BASP1: variants seen among roughly 807,000 people sequenced by gnomAD.
BASP1 encodes the protein brain acid soluble protein 1.
Under a neutral mutation model 2.2 loss-of-function variants are expected in BASP1, and 1 was observed. The observed-to-expected ratio is 0.46, with a 90% CI of 0.16 to 2.17. The LOEUF (loss-of-function observed/expected upper bound fraction) is 2.17. Among genes scored for constraint, BASP1 ranks in the 30% most tolerant of loss-of-function variants. BASP1 has a pLI of 0.27. For synonymous variants in BASP1, 187 were observed against 154.2 expected (o/e 1.21, Z -1.58); for missense variants, 352 against 327.2 (o/e 1.08, Z -0.58).
rs569426820 is a variant in BASP1 at position 17,250,899 on chromosome 5, C to T, written c.-9-24309C>T. Reference sequence around the variant, plus strand: ...GATTACAGGCGTGAGCCACAGCGCCCGGCCAAAATATTTTAACCTGAATTT... The same window carrying T: ...GATTACAGGCGTGAGCCACAGCGCCTGGCCAAAATATTTTAACCTGAATTT... On this transcript the variant is annotated intron_variant, in intron 1 of 1. Coordinates refer to ENST00000322611, the MANE Select transcript of BASP1 (RefSeq NM_006317.5). Among the ~76,000 whole-genome samples the T allele has an allele frequency of 9.1e-4, 139 of 152,284 alleles. No individual in the cohort carries two copies. The South Asian group carries it at 0.011, about 12-fold the overall frequency.
chr5:17,232,314 A>G (rs1404913174), intron 1 of BASP1, among the ~76,000 whole-genome samples: 1 of 152,358 alleles, frequency 6.6e-6, no homozygotes, highest in Admixed American at 6.5e-5. Flanking sequence ...TGGATCAATC[A>G]TTATTGAACA....
chr5:17,263,068 C>T (rs545126336), intron 1 of BASP1, among the ~76,000 whole-genome samples: 36 of 152,166 alleles, frequency 2.4e-4, no homozygotes, highest in Admixed American at 5.9e-4. Context: ...AGGATGGTCT[C>T]GATCTCCTGA....
At chr5:17,252,316 G>A (rs1379591333) in intron 1 of BASP1, among the ~76,000 whole-genome samples, 2 of 152,160 alleles carry the variant, frequency 1.3e-5, no homozygotes, top group East Asian at 3.9e-4. Context: ...GGCGCCACAA[G>A]ACCATGTAAT....
In BASP1 at chr5:17,260,737, A is replaced by C. The variant is rs889091650; in HGVS notation, c.-9-14471A>C. ...TTTATCTAGTACCCATTGTGCACGA[A>C]CAACCACAAAGCAAAATCTTTGTTC... On this transcript the variant is annotated intron_variant, in intron 1 of 1. Transcript: ENST00000322611. The surrounding 1 kb of genome is among the most constrained non-coding windows in gnomAD (Gnocchi z 4.2). Among the ~76,000 whole-genome samples, 4 of 152,234 alleles carry C rather than the reference A, an allele frequency of 2.6e-5. No homozygotes were observed. The highest frequency in any genetic ancestry group is 9.6e-5 in the African/African-American group (4 of 41,462).
chr5:17,271,246 C>G (rs1267650179), intron 1 of BASP1, among the ~76,000 whole-genome samples: 3 of 152,270 alleles, frequency 2.0e-5, no homozygotes, highest in African/African-American at 7.2e-5. Flanking sequence ...TCAAGCCTCC[C>G]CAGTAGCTGG....
chr5:17,224,557 T>A (rs956169722), intron 1 of BASP1, among the ~76,000 whole-genome samples: 6 of 152,210 alleles, frequency 3.9e-5, no homozygotes, highest in African/African-American at 1.2e-4. Flanking sequence ...ACTTCTTCAA[T>A]GAAAAATTAT....
chr5:17,223,992 G>C (rs1739439960), intron 1 of BASP1, among the ~76,000 whole-genome samples: 1 of 152,174 alleles, frequency 6.6e-6, no homozygotes, highest in African/African-American at 2.4e-5. Flanking sequence ...AAGATGTTGT[G>C]ATCTATTGAC....
chr5:17,252,705 C>T (rs2126508673), intron 1 of BASP1, among the ~76,000 whole-genome samples: 1 of 152,298 alleles, frequency 6.6e-6, no homozygotes, highest in East Asian at 1.9e-4. Context: ...AAAAAGTTCC[C>T]ATGTGACATT....
At chr5:17,262,205 A>G (rs1740327742) in intron 1 of BASP1, among the ~76,000 whole-genome samples, 1 of 152,190 alleles carries the variant, frequency 6.6e-6, no homozygotes, top group Admixed American at 6.5e-5. Context: ...AGTATCTGAG[A>G]GTCCTCTCCT....
chr5:17,239,326 C>T (rs987031755), intron 1 of BASP1, among the ~76,000 whole-genome samples: 1 of 152,126 alleles, frequency 6.6e-6, no homozygotes, highest in Non-Finnish European at 1.5e-5. Flanking sequence ...ATCTCCTGAC[C>T]TTGTGATCCG....
chr5:17,267,942 A>G (rs1038723417), intron 1 of BASP1, among the ~76,000 whole-genome samples: 16 of 150,464 alleles, frequency 1.1e-4, no homozygotes, highest in Non-Finnish European at 1.6e-4. Context: ...TTGTCAATTT[A>G]ATCTTCAGGG....
At chr5:17,238,312 T>A (rs74441553) in intron 1 of BASP1, among the ~76,000 whole-genome samples, 5 of 152,098 alleles carry the variant, frequency 3.3e-5, no homozygotes, top group East Asian at 1.9e-4. Flanking sequence ...GTTTTTTTTT[T>A]ATCGAAACCA....
intron 1 of BASP1, among the ~76,000 whole-genome samples, chr5:17,258,373 A>G (rs912014627): frequency 1.3e-5 from 2 of 152,196 alleles, no homozygotes; most frequent in African/African-American, 2.4e-5. Flanking sequence ...AATGCTATGT[A>G]TATGTATTTC....
chr5:17,254,564 G>A (rs376395771), intron 1 of BASP1, among the ~76,000 whole-genome samples: 2 of 152,358 alleles, frequency 1.3e-5, no homozygotes, highest in African/African-American at 2.4e-5. Context: ...TAAGTAAAGG[G>A]AGGTAAGTTG....
At chr5:17,221,871 A>G (rs1369113102) in intron 1 of BASP1, among the ~76,000 whole-genome samples, 1 of 152,144 alleles carries the variant, frequency 6.6e-6, no homozygotes, top group African/African-American at 2.4e-5. Flanking sequence ...TCGTATAAAG[A>G]CTGGATTTGA....
chr5:17,275,072 A>G lies in BASP1; in HGVS notation c.-9-136A>G. The G allele has an allele frequency of 4.3e-6, 3 of 700,886 alleles. No homozygotes were observed. The highest frequency in any genetic ancestry group is 2.8e-5 in the East Asian group (1 of 35,952). The allele number at this position is 700,886 out of a possible 1,614,324, so 43.4% of individuals were successfully genotyped here. A position where few individuals can be genotyped will look rare whatever the true frequency, so the allele number is the denominator to read the frequency against. On this transcript the variant is annotated intron_variant, in intron 1 of 1. Coordinates refer to ENST00000322611, the MANE Select transcript of BASP1 (RefSeq NM_006317.5). This position sits in a 1 kb window ranked among gnomAD's most constrained non-coding sequence, Gnocchi z 5.3. ...AAATTGAATTTAACTGTGCCTAACTATAGTTTACCATGCCACCCCTTTGGG... is the reference window on the plus strand; with the variant it reads ...AAATTGAATTTAACTGTGCCTAACTGTAGTTTACCATGCCACCCCTTTGGG...
At chr5:17,264,664 A>G (rs987633541) in intron 1 of BASP1, among the ~76,000 whole-genome samples, 6 of 152,210 alleles carry the variant, frequency 3.9e-5, no homozygotes, top group African/African-American at 9.6e-5. Flanking sequence ...CTTGATTGCA[A>G]TGATGAAGCT....
chr5:17,239,020 A>G (rs1489759453), intron 1 of BASP1, among the ~76,000 whole-genome samples: 1 of 152,210 alleles, frequency 6.6e-6, no homozygotes, highest in East Asian at 1.9e-4. Flanking sequence ...TAGCTGGGGA[A>G]TAAAACCACA....
At chr5:17,218,390 TC>T (rs1388891567) in intron 1 of BASP1, among the ~76,000 whole-genome samples, 3 of 152,116 alleles carry the variant, frequency 2.0e-5, no homozygotes, top group African/African-American at 7.2e-5. Context: ...CCCATGGGAC[TC>T]CTGGATCTTG....
Sources: allele counts gnomAD v4.1 joint callset (sites outside exome capture counted in the v4.1 genomes callset), GRCh38; gene constraint gnomAD v4.1.1; non-coding constraint Gnocchi (gnomAD v3.1); transcripts MANE v1.5; gene names NCBI Gene and HGNC (gene_info 2026-07-23, HGNC 2026-07-21).